KCNK13: variants seen among roughly 807,000 people sequenced by gnomAD.
The protein encoded by KCNK13 is potassium two pore domain channel subfamily K member 13, also known as potassium channel subfamily K member 13.
Under a neutral mutation model 23.4 loss-of-function variants are expected in KCNK13, and 12 were observed. The observed-to-expected ratio is 0.51, with a 90% CI of 0.33 to 0.83. KCNK13 has a LOEUF of 0.83. Among genes scored for constraint, KCNK13 ranks in the 40% least tolerant of loss-of-function variants. The probability of loss-of-function intolerance (pLI) is 0.02; values close to 1 mark genes in which losing one functional copy is unlikely to be tolerated. For missense variants in KCNK13, 463 were observed against 556.3 expected (o/e 0.83, Z 1.69); for synonymous variants, 231 against 229.5 (o/e 1.01, Z -0.06).
Position 90,156,478 on chromosome 14 carries a change from C to T in KCNK13, c.335-27633C>T, listed in dbSNP as rs893699272. Among the ~76,000 whole-genome samples the T allele has an allele frequency of 8.7e-5, 13 of 149,704 alleles. 1 individual carries two copies. The highest frequency in any genetic ancestry group is 3.4e-3 in the Middle Eastern group (1 of 294). On this transcript the variant is annotated intron_variant, in intron 1 of 1. Transcript: ENST00000282146. ...ATTTAGTATGCCAAAGGAGAAGGTT[C>T]GAGAATTGAGATGCCAGGCCAGGGT...
rs1596814849 is a variant in KCNK13, at chr14:90,184,013, A to C, written c.335-98A>C. 9.4e-7 allele frequency: 1 copy of C among 1,069,410 alleles called. No homozygotes were observed. The highest frequency in any genetic ancestry group is 1.4e-6 in the Non-Finnish European group (1 of 728,900). 66.2% of individuals were successfully genotyped at this position (1,069,410 alleles called of 1,614,324 possible). On this transcript the variant is annotated intron_variant, in intron 1 of 1. Transcript: ENST00000282146. The surrounding 1 kb of genome is among the most constrained non-coding windows in gnomAD (Gnocchi z 5.6). Reference sequence around the variant, plus strand: ...GACTAAGGCTGAGTGATTTTATGAAACTCTCTTTAGGTCCTTTGCCAGCCA... The same window carrying C: ...GACTAAGGCTGAGTGATTTTATGAACCTCTCTTTAGGTCCTTTGCCAGCCA...
chr14:90,172,013 G>A (rs1320999394), intron 1 of KCNK13, among the ~76,000 whole-genome samples: 1 of 152,062 alleles, frequency 6.6e-6, no homozygotes, highest in Non-Finnish European at 1.5e-5. Context: ...GGAAAAAATT[G>A]ACTTTATAAA....
intron 1 of KCNK13, among the ~76,000 whole-genome samples, chr14:90,118,420 C>G (rs1449048284): frequency 6.6e-6 from 1 of 152,080 alleles, no homozygotes; most frequent in Non-Finnish European, 1.5e-5. Flanking sequence ...AGTGCATACC[C>G]AAAATTCCAG....
At chr14:90,074,055 G>A (rs923008879) in intron 1 of KCNK13, among the ~76,000 whole-genome samples, 67 of 152,040 alleles carry the variant, frequency 4.4e-4, no homozygotes, top group African/African-American at 1.4e-3. Context: ...TGCAACCTCC[G>A]CCTGCCCAGG....
intron 1 of KCNK13, among the ~76,000 whole-genome samples, chr14:90,173,428 C>T (rs933752528): frequency 6.6e-6 from 1 of 152,180 alleles, no homozygotes; most frequent in Non-Finnish European, 1.5e-5. Flanking sequence ...TAAATTTGTA[C>T]ATCCACTTTG....
At chr14:90,127,840 G>T (rs550006989) in intron 1 of KCNK13, among the ~76,000 whole-genome samples, 115 of 142,254 alleles carry the variant, frequency 8.1e-4, no homozygotes, top group Non-Finnish European at 1.5e-3. Context: ...AAAAAAAAAG[G>T]CTATTTAATG....
chr14:90,093,905 G>A (rs920708536), intron 1 of KCNK13, among the ~76,000 whole-genome samples: 2 of 152,180 alleles, frequency 1.3e-5, no homozygotes, highest in African/African-American at 4.8e-5. Flanking sequence ...CTAGCATTTG[G>A]TAATACTGAT....
rs139027098 is a variant in KCNK13, at chr14:90,167,275, C to G, written c.335-16836C>G. Among the ~76,000 whole-genome samples, 836 of 152,272 alleles carry G rather than the reference C, an allele frequency of 5.5e-3. 7 individuals are homozygous for G. The highest frequency in any genetic ancestry group is 0.019 in the African/African-American group (804 of 41,538). ...TAACCCTCGTATCGCAGTCATGAAC[C>G]AAAAGCCCAGGAGCGAAGGAAGAAC... On this transcript the variant is annotated intron_variant, in intron 1 of 1. Transcript: ENST00000282146.
intron 1 of KCNK13, among the ~76,000 whole-genome samples, chr14:90,127,233 A>G (rs751976111): frequency 6.6e-6 from 1 of 152,092 alleles, no homozygotes; most frequent in South Asian, 2.1e-4. Context: ...CTAAAAATAG[A>G]AGTTTATTTT....
intron 1 of KCNK13, among the ~76,000 whole-genome samples, chr14:90,071,944 T>C (rs926096594): frequency 2.0e-5 from 3 of 150,854 alleles, no homozygotes; most frequent in African/African-American, 7.3e-5. Context: ...AAGATGGTGA[T>C]CATTAATTAA....
intron 1 of KCNK13, among the ~76,000 whole-genome samples, chr14:90,149,747 G>A (rs1006356437): frequency 6.6e-6 from 1 of 152,150 alleles, no homozygotes; most frequent in East Asian, 1.9e-4. Flanking sequence ...TTTAAACCAA[G>A]GTGCTAGGGT....
intron 1 of KCNK13, among the ~76,000 whole-genome samples, chr14:90,063,685 C>T (rs1008398886): frequency 3.3e-5 from 5 of 152,228 alleles, no homozygotes; most frequent in African/African-American, 9.6e-5. Flanking sequence ...TGAGGTGGGG[C>T]GACAAGTTGA....
At position 90,156,736 on chromosome 14, in the gene KCNK13, A is replaced by T. The variant is rs146693453; in HGVS notation, c.335-27375A>T. 3.3e-5 allele frequency among the ~76,000 whole-genome samples: 5 copies of T among 152,274 alleles called. 1 individual carries two copies. Among genetic ancestry groups the T allele is most frequent in the African/African-American group, 1.2e-4 (5 of 41,550 alleles). On this transcript the variant is annotated intron_variant, in intron 1 of 1. Coordinates refer to ENST00000282146, the MANE Select transcript of KCNK13 (RefSeq NM_022054.4). ...CCACAGATGAGGCATAGGGGAGGTT[A>T]AATACCATATCCAAGGTCCTCGTGT...
chr14:90,143,478 T>C lies in KCNK13; in HGVS notation c.335-40633T>C, dbSNP rs536033394. ...CTTTGTAAAGAATCAGTTGACCACGTATGTGTGGGTTTATTTCTAGGCTCT... is the reference window on the plus strand; with the variant it reads ...CTTTGTAAAGAATCAGTTGACCACGCATGTGTGGGTTTATTTCTAGGCTCT... On this transcript the variant is annotated intron_variant, in intron 1 of 1. Transcript: ENST00000282146. 5.6e-4 allele frequency among the ~76,000 whole-genome samples: 86 copies of C among 152,298 alleles called. 1 individual carries two copies. The highest frequency in any genetic ancestry group is 2.0e-3 in the African/African-American group (85 of 41,560).
intron 1 of KCNK13, among the ~76,000 whole-genome samples, chr14:90,070,284 T>C (rs1302418828): frequency 6.6e-6 from 1 of 152,246 alleles, no homozygotes; most frequent in Non-Finnish European, 1.5e-5. Flanking sequence ...GAGCAGATTG[T>C]TGTAATTAGG....
intron 1 of KCNK13, among the ~76,000 whole-genome samples, chr14:90,144,657 C>T (rs994782600): frequency 6.6e-6 from 1 of 151,926 alleles, no homozygotes; most frequent in African/African-American, 2.4e-5. Context: ...TGGGGTTTCT[C>T]CATGTTTGCC....
intron 1 of KCNK13, among the ~76,000 whole-genome samples, chr14:90,155,227 C>G (rs1242630103): frequency 6.6e-6 from 1 of 151,994 alleles, no homozygotes; most frequent in African/African-American, 2.4e-5. Flanking sequence ...TTGCAGCTAT[C>G]TGGGGGAAAT....
chr14:90,077,567 GCTTA>G (rs1889155171), intron 1 of KCNK13, among the ~76,000 whole-genome samples: 1 of 152,066 alleles, frequency 6.6e-6, no homozygotes, highest in Non-Finnish European at 1.5e-5. Flanking sequence ...TCATCTATTT[GCTTA>G]CTTTGATATT....
intron 1 of KCNK13, among the ~76,000 whole-genome samples, chr14:90,074,520 T>C (rs560195693): frequency 2.0e-4 from 30 of 152,372 alleles, no homozygotes; most frequent in African/African-American, 7.2e-4. Context: ...TCATCTCAAA[T>C]GTTATTTTGA....
Sources: gnomAD v4.1 joint callset for allele counts (sites outside exome capture counted in the v4.1 genomes callset) on GRCh38, gnomAD v4.1.1 for gene constraint, Gnocchi (gnomAD v3.1) non-coding constraint, MANE v1.5 for transcripts, NCBI Gene and HGNC (gene_info 2026-07-23, HGNC 2026-07-21) for gene names.